Variants in KDM6B observed in about 807,000 individuals in gnomAD.
KDM6B encodes the protein lysine-specific demethylase 6B.
Under a neutral mutation model 150.4 loss-of-function variants are expected in KDM6B, and 22 were observed. That is an observed-to-expected ratio of 0.15 (90% CI 0.10 to 0.21). The LOEUF (loss-of-function observed/expected upper bound fraction) is 0.21, where lower values mean the gene tolerates loss of function less well. Among genes scored for constraint, KDM6B ranks in the 10% least tolerant of loss-of-function variants. The probability of loss-of-function intolerance (pLI) is 1.00; values close to 1 mark genes in which losing one functional copy is unlikely to be tolerated. For missense variants in KDM6B, 1,984 were observed against 2,234.3 expected (o/e 0.89, Z 2.26); for synonymous variants, 1,148 against 921.1 (o/e 1.25, Z -4.46).
Position 7,847,193 on chromosome 17 carries a change from C to T in KDM6B, c.998C>T (p.Ala333Val). ...HPPGHRLVPAAPPGPGPRPPG... is the reference protein window; with the variant it reads ...HPPGHRLVPAVPPGPGPRPPG... ...CCTGGCCACCGGCTGGTCCCGGCTGCTCCCCCAGGCCCAGGCCCCCGCCCC... is the reference window on the plus strand; with the variant it reads ...CCTGGCCACCGGCTGGTCCCGGCTGTTCCCCCAGGCCCAGGCCCCCGCCCC... The change falls in exon 11 of 24, where the codon GCT becomes GTT. Residue 333 changes from alanine (A) to valine (V), a missense_variant. Transcript: ENST00000448097. 6.2e-7 allele frequency: 1 copy of T among 1,602,478 alleles called. No homozygotes were observed.
At chr17:7,850,706 G>A (rs1054465639) in intron 14 of KDM6B, among the ~76,000 whole-genome samples, 12 of 152,092 alleles carry the variant, frequency 7.9e-5, no homozygotes, top group Non-Finnish European at 2.9e-5. Flanking sequence ...AAAAGAAGCT[G>A]CCATTCATTG....
intron 2 of KDM6B, among the ~76,000 whole-genome samples, chr17:7,842,673 C>G (rs2078441894): frequency 6.6e-6 from 1 of 152,062 alleles, no homozygotes; most frequent in African/African-American, 2.4e-5. Flanking sequence ...TGGGGGAAGA[C>G]GAGAGGGGAA....
chr17:7,840,579 CCT>C (rs1422778086), intron 2 of KDM6B: 2 of 152,264 alleles, frequency 1.3e-5, no homozygotes, highest in African/African-American at 2.4e-5. Context: ...CTTCTGCTTC[CCT>C]CTCTCCTTCT....
rs2078753133 is a variant in KDM6B, at chr17:7,853,725, AT to A, written c.*205del. 1 of 344,410 alleles carries A rather than the reference AT, an allele frequency of 2.9e-6. No individual in the cohort carries two copies. The highest frequency in any genetic ancestry group is 5.1e-6 in the Non-Finnish European group (1 of 196,212). The allele number at this position is 344,410 out of a possible 1,614,324, so 21.3% of individuals were successfully genotyped here. ...AAATATGAGGAAAAAAGGAAAAAAA[AT>A]GGGAGACGGGGGAGGGGGCTGGCAG... is the stretch of plus-strand genomic sequence containing the variant. On this transcript the variant is annotated 3_prime_UTR_variant, in exon 24 of 24. Coordinates refer to ENST00000448097, the MANE Select transcript of KDM6B (RefSeq NM_001348716.2).
In KDM6B at chr17:7,853,683, T is replaced by A; in HGVS notation, c.*162T>A. The A allele has an allele frequency of 7.9e-6, 3 of 381,538 alleles. No homozygotes were observed. The highest frequency in any genetic ancestry group is 7.7e-4 in the Middle Eastern group (1 of 1,296). 23.6% of individuals were successfully genotyped at this position (381,538 alleles called of 1,614,324 possible). A position where few individuals can be genotyped will look rare whatever the true frequency, so the allele number is the denominator to read the frequency against. Reference sequence around the variant, plus strand: ...CTCACTTAATTTATTAAGAAAAACTTTTTTTTTTTTTTTAGCAAATATGAG... The same window carrying A: ...CTCACTTAATTTATTAAGAAAAACTATTTTTTTTTTTTTAGCAAATATGAG... On this transcript the variant is annotated 3_prime_UTR_variant, in exon 24 of 24. Transcript: ENST00000448097.
In KDM6B at chr17:7,843,581, G is replaced by A. The variant is rs2078462157; in HGVS notation, c.-268-1320G>A. Among the ~76,000 whole-genome samples the A allele has an allele frequency of 6.6e-6, 1 of 152,254 alleles. No individual in the cohort carries two copies. The highest frequency in any genetic ancestry group is 1.9e-4 in the East Asian group (1 of 5,174). On this transcript the variant is annotated intron_variant, in intron 2 of 23. Coordinates refer to ENST00000448097, the MANE Select transcript of KDM6B (RefSeq NM_001348716.2). This position sits in a 1 kb window ranked among gnomAD's most constrained non-coding sequence, Gnocchi z 4.5. ...GGCTGGGTGGAAATTTCCCCACAGC[G>A]CAGACTTCTCTCAACGAACGCGAAC...
chr17:7,852,981 C>G lies in KDM6B; in HGVS notation c.4611-19C>G. Reference sequence around the variant, plus strand: ...CTCCTCCTTGCCGGTGGTCTCAACACAACCCCACTGCTCCCCAGGTTCTGC... The same window carrying G: ...CTCCTCCTTGCCGGTGGTCTCAACAGAACCCCACTGCTCCCCAGGTTCTGC... On this transcript the variant is annotated intron_variant, in intron 21 of 23. Transcript: ENST00000448097. 1 of 1,613,634 alleles carries G rather than the reference C, an allele frequency of 6.2e-7. No individual in the cohort carries two copies. Among genetic ancestry groups the G allele is most frequent in the South Asian group, 1.1e-5 (1 of 90,908 alleles).
rs917019547 is a variant in KDM6B at position 7,843,715 on chromosome 17, C to T, written c.-268-1186C>T. ...CCCCCGCGGCTTTGTACTCGACACTCGCCTCTCGCTGCTCTTTGTACTCTA... is the reference window on the plus strand; with the variant it reads ...CCCCCGCGGCTTTGTACTCGACACTTGCCTCTCGCTGCTCTTTGTACTCTA... On this transcript the variant is annotated intron_variant, in intron 2 of 23. Transcript: ENST00000448097. This position sits in a 1 kb window ranked among gnomAD's most constrained non-coding sequence, Gnocchi z 4.5. 6.6e-6 allele frequency among the ~76,000 whole-genome samples: 1 copy of T among 152,100 alleles called. No individual in the cohort carries two copies. Among genetic ancestry groups the T allele is most frequent in the Admixed American group, 6.5e-5 (1 of 15,280 alleles).
chr17:7,838,983 C>G (rs1043093689), intron 1 of KDM6B, among the ~76,000 whole-genome samples: 24 of 152,080 alleles, frequency 1.6e-4, no homozygotes, highest in African/African-American at 5.3e-4. Context: ...AGGCCTGAGT[C>G]TCTGAGGCAA....
rs2078616587 is a variant in KDM6B, at chr17:7,848,567, C to G, written c.2279C>G (p.Thr760Ser). 1 of 1,607,880 alleles carries G rather than the reference C, an allele frequency of 6.2e-7. No homozygotes were observed. The highest frequency in any genetic ancestry group is 8.5e-7 in the Non-Finnish European group (1 of 1,178,028). Reference sequence around the variant, plus strand: ...ACCACCACCACCACCACCACCACCACCACCACGGCCACCCAGGAAGAGGAG... The same window carrying G: ...ACCACCACCACCACCACCACCACCAGCACCACGGCCACCCAGGAAGAGGAG... ...AVTTTTTTTT[T>S]TTATQEEEKK... Residue 760 changes from threonine to serine, a missense_variant, in exon 12 of 24, where the codon ACC (threonine) becomes AGC (serine). Transcript: ENST00000448097.
chr17:7,846,785 G>A, intron 9 of KDM6B, 34 bp from the exon 10 acceptor site: 7 of 1,613,772 alleles, frequency 4.3e-6, no homozygotes, highest in East Asian at 2.2e-5. Context: ...GGCAGGACTT[G>A]GGAATGGGAT....
intron 5 of KDM6B, 76 bp from the exon 6 acceptor site, chr17:7,845,796 G>C (rs2078520522): frequency 6.3e-7 from 1 of 1,585,296 alleles, no homozygotes; most frequent in African/African-American, 1.3e-5. Flanking sequence ...GGGCTTCCGT[G>C]CATCAGCCCC....
At chr17:7,845,092 C>G (rs2078504701) in intron 3 of KDM6B, 72 bp downstream of exon 3, 1 of 243,200 alleles carries the variant, frequency 4.1e-6, no homozygotes, top group African/African-American at 2.3e-5. Flanking sequence ...GCCACCCCGT[C>G]CCTCTGACCG....
chr17:7,845,721 C>T, intron 5 of KDM6B, 30 bp downstream of exon 5: 1 of 1,613,910 alleles, frequency 6.2e-7, no homozygotes, highest in Non-Finnish European at 8.5e-7. Context: ...TGTCTCCAGG[C>T]ACACCTCTTT....
rs1232287616 is a variant in KDM6B at position 7,851,959 on chromosome 17, G to T, written c.4174G>T (p.Glu1392Ter). The T allele has an allele frequency of 6.2e-7, 1 of 1,613,878 alleles. No individual in the cohort carries two copies. Among genetic ancestry groups the T allele is most frequent in the Non-Finnish European group, 8.5e-7 (1 of 1,179,994 alleles). Reference protein sequence around the residue: ...VPGSRTPGHQENNNFCSVNIN... With the variant: ...VPGSRTPGHQ ...TCTGTCGACCCCTGCAGGCCACCAGGAGAATAACAACTTCTGCTCCGTCAA... is the reference window on the plus strand; with the variant it reads ...TCTGTCGACCCCTGCAGGCCACCAGTAGAATAACAACTTCTGCTCCGTCAA... Residue 1392 changes from glutamate (E) to a stop codon, truncating the protein, a stop_gained, in exon 19 of 24, where the codon GAG becomes TAG. Transcript: ENST00000448097. LOFTEE classifies it high-confidence loss of function.
rs1276852424 is a variant in KDM6B, at chr17:7,851,473, A to G, written c.3945-5A>G. ...TCCACCAACCTGTGCTCTTCGCCCCAGCAGCAGCGCACCAGACCCGAAGAA... is the reference window on the plus strand; with the variant it reads ...TCCACCAACCTGTGCTCTTCGCCCCGGCAGCAGCGCACCAGACCCGAAGAA... On this transcript the variant is annotated splice_region_variant and splice_polypyrimidine_tract_variant and intron_variant, in intron 16 of 23. Coordinates refer to ENST00000448097, the MANE Select transcript of KDM6B (RefSeq NM_001348716.2). 2 of 1,614,032 alleles carry G rather than the reference A, an allele frequency of 1.2e-6. No homozygotes were observed. Among genetic ancestry groups the G allele is most frequent in the Non-Finnish European group, 8.5e-7 (1 of 1,180,030 alleles).
intron 2 of KDM6B, among the ~76,000 whole-genome samples, chr17:7,841,930 C>T (rs2078422675): frequency 1.3e-5 from 2 of 152,322 alleles, no homozygotes; most frequent in South Asian, 4.1e-4. Context: ...GAGCGTGTAA[C>T]CCCTCGCTTC....
Position 7,848,992 on chromosome 17 carries a change from CTATCT to C in KDM6B, c.2705_2709del (p.Leu902ProfsTer7). Reference sequence around the variant, plus strand: ...GACCCCCACCCAACCGCCCCCACCCCTATCTCTGCCCCCTGCTCGCTCTGAGTCTG... The same window carrying C: ...GACCCCCACCCAACCGCCCCCACCCCCTGCCCCCTGCTCGCTCTGAGTCTG... On this transcript the variant is annotated frameshift_variant, in exon 12 of 24. Transcript: ENST00000448097. LOFTEE classifies it high-confidence loss of function. The C allele has an allele frequency of 6.3e-7, 1 of 1,582,140 alleles. No individual in the cohort carries two copies. The highest frequency in any genetic ancestry group is 8.6e-7 in the Non-Finnish European group (1 of 1,160,844).
Position 7,848,769 on chromosome 17 carries a change from C to G in KDM6B, c.2481C>G (p.Thr827=). The change falls in exon 12 of 24, where the codon ACC becomes ACG. Residue 827 remains threonine (T), a synonymous_variant. Transcript: ENST00000448097. ...CYRGTGAAVS[T]RPGPLPTTQY... is the part of the protein sequence containing the mutation. The stretch of plus-strand genomic sequence containing the variant: ...GGGGGACTGGAGCAGCTGTTTCCAC[C>G]CGGCCTGGGCCCTTGCCCACCACTC... The G allele has an allele frequency of 6.2e-7, 1 of 1,612,860 alleles. No homozygotes were observed. Among genetic ancestry groups the G allele is most frequent in the Non-Finnish European group, 8.5e-7 (1 of 1,180,002 alleles).
Sources: gnomAD v4.1 joint callset for allele counts (sites outside exome capture counted in the v4.1 genomes callset) on GRCh38, gnomAD v4.1.1 for gene constraint, Gnocchi (gnomAD v3.1) non-coding constraint, MANE v1.5 for transcripts, NCBI Gene and HGNC (gene_info 2026-07-23, HGNC 2026-07-21) for gene names.